The following SPAG16 variants were observed in gnomAD, a reference collection of about 807,000 sequenced individuals.
SPAG16 encodes sperm-associated antigen 16 protein.
SPAG16 carries 86 observed loss-of-function variants against 80.4 expected under a neutral mutation model. The ratio of observed to expected loss-of-function variants is 1.07; its 90% CI spans 0.90 to 1.28. The LOEUF (loss-of-function observed/expected upper bound fraction) is 1.28, where lower values mean the gene tolerates loss of function less well. Among genes scored for constraint, SPAG16 ranks in the 50% most tolerant of loss-of-function variants. SPAG16 has a pLI of 0.00. For missense variants in SPAG16, 870 were observed against 765.3 expected, an observed-to-expected ratio of 1.14 and a Z score of -1.61; for synonymous variants, 294 against 265.9, an observed-to-expected ratio of 1.11 and a Z score of -1.03.
chr2:213,823,723 C>T (rs1466006387), intron 10 of SPAG16, among the ~76,000 whole-genome samples: 1 of 152,076 alleles, frequency 6.6e-6, no homozygotes, highest in Non-Finnish European at 1.5e-5. Context: ...CGAGAAATGT[C>T]TGTTTATATC....
At chr2:214,387,253 TA>T (rs1295333735) in intron 15 of SPAG16, among the ~76,000 whole-genome samples, 2 of 152,212 alleles carry the variant, frequency 1.3e-5, no homozygotes, top group Admixed American at 1.3e-4. Context: ...ATTTATTTTT[TA>T]TTCTTTTAAC....
rs749000690 is a variant in SPAG16, at chr2:214,137,676, C to T, written c.1594-11464C>T. On this transcript the variant is annotated intron_variant, in intron 14 of 15. Coordinates refer to ENST00000331683, the MANE Select transcript of SPAG16 (RefSeq NM_024532.5). ...CAGTTAACCATACATGGGCTTGAAT[C>T]CACACTCCAAATCATTCTAACTAGG... 1.3e-3 allele frequency among the ~76,000 whole-genome samples: 204 copies of T among 152,234 alleles called. 1 individual carries two copies. The highest frequency in any genetic ancestry group is 3.4e-3 in the Middle Eastern group (1 of 294).
chr2:214,017,870 A>G (rs914282482), intron 13 of SPAG16, among the ~76,000 whole-genome samples: 1 of 152,284 alleles, frequency 6.6e-6, no homozygotes, highest in African/African-American at 2.4e-5. Context: ...TTTTGTTACT[A>G]TTATGCATGC....
At chr2:214,388,794 G>C (rs1345648172) in intron 15 of SPAG16, among the ~76,000 whole-genome samples, 1 of 152,142 alleles carries the variant, frequency 6.6e-6, no homozygotes, top group African/African-American at 2.4e-5. Flanking sequence ...TCTTCCCAAA[G>C]TTACTATATG....
At chr2:214,285,124 T>C (rs543902820) in intron 15 of SPAG16, among the ~76,000 whole-genome samples, 1 of 152,332 alleles carries the variant, frequency 6.6e-6, no homozygotes, top group African/African-American at 2.4e-5. Context: ...CCTCATATTC[T>C]TGCCAATATG....
At chr2:213,775,103 G>A (rs999198065) in intron 10 of SPAG16, among the ~76,000 whole-genome samples, 2 of 152,138 alleles carry the variant, frequency 1.3e-5, no homozygotes, top group Non-Finnish European at 2.9e-5. Flanking sequence ...CATTTATGAC[G>A]ACTTGCTCCT....
At chr2:213,469,711 G>A (rs2072965179) in intron 9 of SPAG16, among the ~76,000 whole-genome samples, 1 of 150,840 alleles carries the variant, frequency 6.6e-6, no homozygotes, top group Non-Finnish European at 1.5e-5. Flanking sequence ...TGGTAATACT[G>A]TGAGATGCCC....
At chr2:213,312,032 C>A (rs905126921) in intron 4 of SPAG16, among the ~76,000 whole-genome samples, 4 of 151,558 alleles carry the variant, frequency 2.6e-5, no homozygotes, top group African/African-American at 9.7e-5. Context: ...CCAAATCTGG[C>A]CTGCTTCCTG....
At chr2:213,531,565 TC>T (rs1575858213) in intron 10 of SPAG16, among the ~76,000 whole-genome samples, 1 of 152,084 alleles carries the variant, frequency 6.6e-6, no homozygotes, top group East Asian at 1.9e-4. Flanking sequence ...TCCCCAGTTT[TC>T]CAGGCTTTTG....
chr2:213,741,903 C>A (rs926632365), intron 10 of SPAG16, among the ~76,000 whole-genome samples: 3 of 152,064 alleles, frequency 2.0e-5, no homozygotes, highest in African/African-American at 7.2e-5. Flanking sequence ...TAGAGTTACA[C>A]TAGGTTTCTT....
intron 10 of SPAG16, among the ~76,000 whole-genome samples, chr2:213,758,382 G>T (rs538561318): frequency 4.0e-4 from 61 of 151,990 alleles, no homozygotes; most frequent in African/African-American, 1.4e-3. Flanking sequence ...CTTGATGGTG[G>T]ATCTGCTACA....
intron 10 of SPAG16, among the ~76,000 whole-genome samples, chr2:213,751,514 A>G (rs2068075298): frequency 6.6e-6 from 1 of 152,212 alleles, no homozygotes; most frequent in African/African-American, 2.4e-5. Context: ...GGTTCTCTCC[A>G]TCGTTTCCTG....
intron 8 of SPAG16, among the ~76,000 whole-genome samples, chr2:213,366,884 C>T (rs990038035): frequency 6.6e-6 from 1 of 152,002 alleles, no homozygotes; most frequent in Non-Finnish European, 1.5e-5. Flanking sequence ...GTGTGCTGCA[C>T]CCATTAACTC....
At chr2:214,051,009 T>A (rs1218864777) in intron 13 of SPAG16, among the ~76,000 whole-genome samples, 1 of 152,208 alleles carries the variant, frequency 6.6e-6, no homozygotes, top group African/African-American at 2.4e-5. Flanking sequence ...CTTGTTTCCC[T>A]GAAGACTAGT....
chr2:213,896,962 A>C (rs2077019165), intron 11 of SPAG16, among the ~76,000 whole-genome samples: 1 of 152,136 alleles, frequency 6.6e-6, no homozygotes, highest in African/African-American at 2.4e-5. Flanking sequence ...TAATGGGTAC[A>C]AATACATAGT....
chr2:213,316,156 A>G (rs1380641844), intron 4 of SPAG16, among the ~76,000 whole-genome samples: 1 of 152,012 alleles, frequency 6.6e-6, no homozygotes, highest in East Asian at 1.9e-4. Context: ...ACGAATGGAA[A>G]CAATCCCTTG....
intron 6 of SPAG16, among the ~76,000 whole-genome samples, chr2:213,341,069 C>T (rs1482074464): frequency 2.6e-5 from 4 of 151,864 alleles, no homozygotes; most frequent in Admixed American, 2.0e-4. Context: ...ATGTTTTTTT[C>T]GTATTTCATT....
chr2:213,921,395 C>T (rs1402969385), intron 11 of SPAG16, among the ~76,000 whole-genome samples: 1 of 151,840 alleles, frequency 6.6e-6, no homozygotes, highest in African/African-American at 2.4e-5. Context: ...TTGATTTTTC[C>T]CCATTCCTTT....
chr2:213,522,204 C>T (rs991290989), intron 10 of SPAG16, among the ~76,000 whole-genome samples: 1 of 152,110 alleles, frequency 6.6e-6, no homozygotes, highest in African/African-American at 2.4e-5. Context: ...GGGGGCCTGG[C>T]CACTATAAGG....
Sources: gnomAD v4.1 joint callset for allele counts (sites outside exome capture counted in the v4.1 genomes callset) on GRCh38, gnomAD v4.1.1 for gene constraint, MANE v1.5 for transcripts, NCBI Gene and HGNC (gene_info 2026-07-23, HGNC 2026-07-21) for gene names.